The following PRKN variants were observed in gnomAD, a reference collection of about 807,000 sequenced individuals.
PRKN encodes the protein parkin RBR E3 ubiquitin protein ligase, also known as E3 ubiquitin-protein ligase parkin.
PRKN carries 56 observed loss-of-function variants against 59.5 expected under a neutral mutation model. That is an observed-to-expected ratio of 0.94 (90% CI 0.76 to 1.18). The LOEUF is 1.18. Ranked by LOEUF, PRKN falls within the 50% of genes most tolerant of loss-of-function variation. PRKN has a pLI of 0.00. For synonymous variants in PRKN, 250 were observed against 222.1 expected (o/e 1.13, Z -1.12); for missense variants, 657 against 596.4 (o/e 1.10, Z -1.06).
intron 7 of PRKN, among the ~76,000 whole-genome samples, chr6:161,747,943 A>T (rs949430702): frequency 5.9e-5 from 9 of 152,178 alleles, no homozygotes; most frequent in African/African-American, 2.2e-4. Context: ...AGAAAATATA[A>T]CCTAAATGAG....
At chr6:161,651,422 A>G (rs2144211) in intron 7 of PRKN, among the ~76,000 whole-genome samples, 151,789 of 152,302 alleles carry the variant, frequency 1, 75,640 homozygotes, top group Middle Eastern at 1. Flanking sequence ...TGAGGGTGGG[A>G]GCAGAGGGTC....
chr6:161,534,425 A>C (rs1198731985), intron 9 of PRKN, among the ~76,000 whole-genome samples: 1 of 152,158 alleles, frequency 6.6e-6, no homozygotes, highest in African/African-American at 2.4e-5. Context: ...AGGATACAAA[A>C]ATGAATAGAA....
chr6:162,328,874 GC>G (rs1783434969), intron 2 of PRKN, among the ~76,000 whole-genome samples: 1 of 152,182 alleles, frequency 6.6e-6, no homozygotes, highest in Admixed American at 6.5e-5. Flanking sequence ...ACCAGGTGGT[GC>G]TAGGGCCCCT....
chr6:162,210,596 C>T (rs1785161561), intron 3 of PRKN, among the ~76,000 whole-genome samples: 1 of 152,058 alleles, frequency 6.6e-6, no homozygotes. Context: ...ACTTCATTCC[C>T]AACCAAATCC....
At chr6:162,156,444 T>C (rs1009669396) in intron 4 of PRKN, among the ~76,000 whole-genome samples, 2 of 152,148 alleles carry the variant, frequency 1.3e-5, no homozygotes, top group African/African-American at 2.4e-5. Context: ...AGTGCAGCCT[T>C]CAGTCTGTAG....
chr6:161,438,755 C>A lies in PRKN; in HGVS notation c.1084-51878G>T, dbSNP rs1350879110. 3.9e-5 allele frequency among the ~76,000 whole-genome samples: 6 copies of A among 152,202 alleles called. No individual in the cohort carries two copies. In the East Asian group the frequency reaches 7.7e-4, roughly 20 times the overall value. On this transcript the variant is annotated intron_variant, in intron 9 of 11. Transcript: ENST00000366898. The stretch of plus-strand genomic sequence containing the variant: ...AAGTGCTCTATCATTATTAGATATT[C>A]GGGTGATCATCCCGCATGTAGCTAT...
At position 161,874,544 on chromosome 6, in the gene PRKN, G is replaced by A. The variant is rs1479086429; in HGVS notation, c.735-88636C>T. On this transcript the variant is annotated intron_variant, in intron 6 of 11. Transcript: ENST00000366898. ...ATATTATATGTAAAATATATATTAT[G>A]TAAAATATATATTATATATAAAATA... 1.2e-3 allele frequency among the ~76,000 whole-genome samples: 106 copies of A among 89,854 alleles called. 5 individuals are homozygous for A. Among genetic ancestry groups the A allele is most frequent in the African/African-American group, 5.7e-3 (101 of 17,868 alleles). 58.9% of individuals were successfully genotyped at this position (89,854 alleles called of 152,430 possible). A position where few individuals can be genotyped will look rare whatever the true frequency, so the allele number is the denominator to read the frequency against.
intron 4 of PRKN, among the ~76,000 whole-genome samples, chr6:162,188,966 T>A (rs1040480659): frequency 2.0e-5 from 3 of 152,118 alleles, no homozygotes; most frequent in African/African-American, 7.2e-5. Context: ...TTATCTTCTA[T>A]AGGAGGGAAT....
At chr6:161,522,300 G>A (rs1778858943) in intron 9 of PRKN, among the ~76,000 whole-genome samples, 1 of 152,208 alleles carries the variant, frequency 6.6e-6, no homozygotes, top group South Asian at 2.1e-4. Context: ...GGAGAGGGCT[G>A]AAGATGGATA....
At chr6:161,737,813 A>G (rs143359243) in intron 7 of PRKN, among the ~76,000 whole-genome samples, 5 of 152,316 alleles carry the variant, frequency 3.3e-5, no homozygotes, top group Non-Finnish European at 7.3e-5. Flanking sequence ...TCAGGGCAGG[A>G]TGCGATTTCT....
chr6:162,041,609 A>T (rs1784071226), intron 5 of PRKN, among the ~76,000 whole-genome samples: 1 of 152,152 alleles, frequency 6.6e-6, no homozygotes, highest in Admixed American at 6.5e-5. Context: ...CACCTGTCGT[A>T]TCTGTGACAG....
At chr6:161,657,559 A>G (rs1417710706) in intron 7 of PRKN, among the ~76,000 whole-genome samples, 1 of 152,150 alleles carries the variant, frequency 6.6e-6, no homozygotes, top group Non-Finnish European at 1.5e-5. Flanking sequence ...TATTTTCCTA[A>G]GGAGATGGAA....
At position 162,289,687 on chromosome 6, in the gene PRKN, CAA is replaced by C. The variant is rs376838845; in HGVS notation, c.172-26924_172-26923del. ...CAGCCAACAGAGCGAGACACTGTCTCAAAAAAAAAAAAAGATTTTTTGAAGAA... is the reference window on the plus strand; with the variant it reads ...CAGCCAACAGAGCGAGACACTGTCTCAAAAAAAAAAAGATTTTTTGAAGAA... On this transcript the variant is annotated intron_variant, in intron 2 of 11. Transcript: ENST00000366898. Among the ~76,000 whole-genome samples, 134 of 141,858 alleles carry C rather than the reference CAA, an allele frequency of 9.4e-4. 1 individual carries two copies. Among genetic ancestry groups the C allele is most frequent in the Non-Finnish European group, 1.5e-3 (95 of 64,160 alleles). 93.1% of individuals were successfully genotyped at this position (141,858 alleles called of 152,430 possible).
At position 161,550,967 on chromosome 6, in the gene PRKN, A is replaced by G. The variant is rs1327319165; in HGVS notation, c.934-1964T>C. Among the ~76,000 whole-genome samples, 3 of 152,150 alleles carry G rather than the reference A, an allele frequency of 2.0e-5. No homozygotes were observed. The highest frequency in any genetic ancestry group is 4.4e-5 in the Non-Finnish European group (3 of 68,038). ...TCATTCTTCTGTCCCCAGGAAAGAA[A>G]GAAAAAGATGACCTGGCCTCCTTGT... On this transcript the variant is annotated intron_variant, in intron 8 of 11. Coordinates refer to ENST00000366898, the MANE Select transcript of PRKN (RefSeq NM_004562.3). This position sits in a 1 kb window ranked among gnomAD's most constrained non-coding sequence, Gnocchi z 4.0.
chr6:162,019,161 TGGA>T (rs1198513190), intron 5 of PRKN, among the ~76,000 whole-genome samples: 2 of 152,190 alleles, frequency 1.3e-5, no homozygotes, highest in South Asian at 4.1e-4. Context: ...TACATTTTTA[TGGA>T]GAAAAACATG....
chr6:161,590,548 C>T (rs1781681849), intron 7 of PRKN, among the ~76,000 whole-genome samples: 1 of 152,056 alleles, frequency 6.6e-6, no homozygotes. Context: ...GTCTGGCCAA[C>T]ATAGTGAAAC....
At chr6:162,268,751 T>G (rs1423097061) in intron 2 of PRKN, among the ~76,000 whole-genome samples, 1 of 152,076 alleles carries the variant, frequency 6.6e-6, no homozygotes, top group Non-Finnish European at 1.5e-5. Flanking sequence ...TCTGCTGGTG[T>G]TCATTGACTC....
chr6:162,226,334 C>A (rs1340112982), intron 3 of PRKN, among the ~76,000 whole-genome samples: 2 of 152,126 alleles, frequency 1.3e-5, no homozygotes, highest in Admixed American at 6.5e-5. Flanking sequence ...CAAGGCTGCG[C>A]TGCACCCCTT....
intron 9 of PRKN, among the ~76,000 whole-genome samples, chr6:161,477,577 A>T (rs184630589): frequency 1.3e-5 from 2 of 152,220 alleles, no homozygotes; most frequent in East Asian, 3.9e-4. Flanking sequence ...GGTGATGAAG[A>T]TGGCCTTTCT....
Sources: gnomAD v4.1 joint callset for allele counts (sites outside exome capture counted in the v4.1 genomes callset) on GRCh38, gnomAD v4.1.1 for gene constraint, Gnocchi (gnomAD v3.1) non-coding constraint, MANE v1.5 for transcripts, NCBI Gene and HGNC (gene_info 2026-07-23, HGNC 2026-07-21) for gene names.